KANSL1L: variants seen among roughly 807,000 people sequenced by gnomAD.
KANSL1L encodes KAT8 regulatory NSL complex subunit 1-like protein.
KANSL1L carries 25 observed loss-of-function variants against 108.6 expected under a neutral mutation model. That is an observed-to-expected ratio of 0.23 (90% CI 0.17 to 0.32). The LOEUF (loss-of-function observed/expected upper bound fraction) is 0.32. Ranked by LOEUF, KANSL1L falls within the 10% of genes least tolerant of loss-of-function variation. The pLI is 1.00. For missense variants in KANSL1L, 1,137 were observed against 1,125.7 expected, an observed-to-expected ratio of 1.01 and a Z score of -0.14; for synonymous variants, 405 against 395.1, an observed-to-expected ratio of 1.03 and a Z score of -0.30.
chr2:210,052,930 A>G (rs1301519961), intron 6 of KANSL1L, among the ~76,000 whole-genome samples: 6 of 152,248 alleles, frequency 3.9e-5, no homozygotes, highest in African/African-American at 1.4e-4. Flanking sequence ...AGTCCTTCCT[A>G]AATGGAAAGA....
At chr2:210,145,234 T>A (rs2095257351) in intron 2 of KANSL1L, among the ~76,000 whole-genome samples, 1 of 152,168 alleles carries the variant, frequency 6.6e-6, no homozygotes, top group African/African-American at 2.4e-5. Context: ...GTGGAATCCC[T>A]CTTGGCACTG....
At chr2:210,075,461 G>T in intron 6 of KANSL1L, 91 bp downstream of exon 6, 1 of 810,250 alleles carries the variant, frequency 1.2e-6, no homozygotes, top group Non-Finnish European at 2.0e-6. Context: ...CAAAATAAGT[G>T]TTATGCTAAA....
upstream of KANSL1L, among the ~76,000 whole-genome samples, chr2:210,172,166 C>G (rs546149074): frequency 3.9e-5 from 6 of 152,168 alleles, no homozygotes; most frequent in Non-Finnish European, 4.4e-5. Flanking sequence ...CACCTGGCCC[C>G]GCGAACCGCT....
rs2093859474 is a variant in KANSL1L, at chr2:210,021,758, C to A, written c.*1191G>T. 8 of 151,882 alleles carry A rather than the reference C, an allele frequency of 5.3e-5. No homozygotes were observed. 9.4% of individuals were successfully genotyped at this position (151,882 alleles called of 1,614,324 possible). Reference sequence around the variant, plus strand: ...ACAAAAAGTGAGTTATATAAATTGTCCTCAACTTTCACATAGGAAAAAAAT... The same window carrying A: ...ACAAAAAGTGAGTTATATAAATTGTACTCAACTTTCACATAGGAAAAAAAT... On this transcript the variant is annotated 3_prime_UTR_variant, in exon 15 of 15. Coordinates refer to ENST00000281772, the MANE Select transcript of KANSL1L (RefSeq NM_152519.4).
intron 8 of KANSL1L, chr2:210,035,171 T>G (rs759154296): frequency 1.3e-5 from 2 of 152,230 alleles, no homozygotes; most frequent in Non-Finnish European, 2.9e-5. Flanking sequence ...ATTGCAGTTG[T>G]CAGATCTCAT....
intron 1 of KANSL1L, among the ~76,000 whole-genome samples, chr2:210,166,235 T>C (rs1687953884): frequency 6.6e-6 from 1 of 152,118 alleles, no homozygotes; most frequent in African/African-American, 2.4e-5. Context: ...TTAAATGCAA[T>C]CTGATCCCTT....
At chr2:210,070,992 T>A (rs1031378951) in intron 6 of KANSL1L, among the ~76,000 whole-genome samples, 9 of 152,008 alleles carry the variant, frequency 5.9e-5, no homozygotes, top group African/African-American at 1.9e-4. Context: ...ACCTCATCTC[T>A]ACTAAAAATA....
chr2:210,168,289 T>C (rs1688106794), intron 1 of KANSL1L, among the ~76,000 whole-genome samples: 1 of 152,088 alleles, frequency 6.6e-6, no homozygotes, highest in African/African-American at 2.4e-5. Context: ...AAAGCAGCTC[T>C]CTGCCTCCTT....
At position 210,154,584 on chromosome 2, in the gene KANSL1L, G is replaced by A; in HGVS notation, c.-2C>T. 1 of 1,483,870 alleles carries A rather than the reference G, an allele frequency of 6.7e-7. No individual in the cohort carries two copies. The highest frequency in any genetic ancestry group is 2.3e-5 in the East Asian group (1 of 43,002). The allele number at this position is 1,483,870 out of a possible 1,614,324, so 91.9% of individuals were successfully genotyped here. A position where few individuals can be genotyped will look rare whatever the true frequency, so the allele number is the denominator to read the frequency against. On this transcript the variant is annotated 5_prime_UTR_variant, in exon 2 of 15. Coordinates refer to ENST00000281772, the MANE Select transcript of KANSL1L (RefSeq NM_152519.4). ...TGCCTCCCTCAGAGCTGGGGTCATG[G>A]CGATTCCTGTAGATAAGTATTGGAA...
At chr2:210,054,039 G>A (rs542575727) in intron 6 of KANSL1L, among the ~76,000 whole-genome samples, 33 of 152,104 alleles carry the variant, frequency 2.2e-4, no homozygotes, top group African/African-American at 5.5e-4. Flanking sequence ...CTAGACGGCC[G>A]GGCATGGTGG....
At chr2:210,025,319 G>A (rs1007145012) in intron 12 of KANSL1L, 103 bp from the exon 13 acceptor site, 2 of 637,440 alleles carry the variant, frequency 3.1e-6, no homozygotes, top group African/African-American at 3.7e-5. Flanking sequence ...CACTTTGGAA[G>A]GCCGAGGTGG....
At chr2:210,035,804 A>C (rs185682691) in intron 8 of KANSL1L, among the ~76,000 whole-genome samples, 2 of 152,184 alleles carry the variant, frequency 1.3e-5, no homozygotes, top group Admixed American at 1.3e-4. Flanking sequence ...TGAATATATC[A>C]TACTGTGTCA....
At chr2:210,071,108 A>G (rs1030023203) in intron 6 of KANSL1L, among the ~76,000 whole-genome samples, 4 of 151,056 alleles carry the variant, frequency 2.6e-5, no homozygotes, top group Non-Finnish European at 5.9e-5. Flanking sequence ...CAGTGAGCTG[A>G]GATTGTGCCA....
intron 8 of KANSL1L, among the ~76,000 whole-genome samples, chr2:210,036,023 C>G (rs776253784): frequency 1.3e-5 from 2 of 152,152 alleles, no homozygotes; most frequent in Non-Finnish European, 2.9e-5. Flanking sequence ...TAATCTGGAA[C>G]GCTCCACCCT....
intron 3 of KANSL1L, among the ~76,000 whole-genome samples, chr2:210,105,750 A>T (rs1474884142): frequency 6.6e-6 from 1 of 152,112 alleles, no homozygotes; most frequent in Admixed American, 6.6e-5. Flanking sequence ...TTTTAAAAAA[A>T]TCTACATTTT....
At chr2:210,157,498 C>T (rs2095340107) in intron 1 of KANSL1L, among the ~76,000 whole-genome samples, 1 of 151,712 alleles carries the variant, frequency 6.6e-6, no homozygotes, top group Non-Finnish European at 1.5e-5. Flanking sequence ...AGTTCGAGAC[C>T]AGCCTGGGCA....
At chr2:210,049,148 A>G (rs1426356341) in intron 6 of KANSL1L, among the ~76,000 whole-genome samples, 1 of 152,080 alleles carries the variant, frequency 6.6e-6, no homozygotes, top group African/African-American at 2.4e-5. Flanking sequence ...CACATCTTCC[A>G]GGTTTTTGCC....
At chr2:210,147,333 A>G (rs1329808172) in intron 2 of KANSL1L, among the ~76,000 whole-genome samples, 2 of 152,216 alleles carry the variant, frequency 1.3e-5, no homozygotes, top group South Asian at 2.1e-4. Flanking sequence ...ATGATGGCAC[A>G]TATCTGTAGT....
chr2:210,064,124 T>C (rs1390977994), intron 6 of KANSL1L: 1 of 152,194 alleles, frequency 6.6e-6, no homozygotes, highest in South Asian at 2.1e-4. Context: ...TTCTCTCTCT[T>C]TGCCTACTGC....
Sources: allele counts gnomAD v4.1 joint callset (sites outside exome capture counted in the v4.1 genomes callset), GRCh38; gene constraint gnomAD v4.1.1; transcripts MANE v1.5; gene names NCBI Gene and HGNC (gene_info 2026-07-23, HGNC 2026-07-21).